The following ABL1 variants were observed in gnomAD, a reference collection of about 807,000 sequenced individuals.
ABL1 encodes the protein tyrosine-protein kinase ABL1.
In ABL1, 11 loss-of-function variants were observed where a neutral mutation model predicts 94.7. That is an observed-to-expected ratio of 0.12 (90% confidence interval 0.07 to 0.19). The LOEUF is 0.19. Among genes scored for constraint, ABL1 ranks in the 10% least tolerant of loss-of-function variants. The pLI is 1.00. For missense variants in ABL1, 1,082 were observed against 1,489.4 expected (o/e 0.73, Z 4.50); for synonymous variants, 656 against 622.4 (o/e 1.05, Z -0.80).
At chr9:130,823,281 A>G (rs975537972) in intron 1 of ABL1, among the ~76,000 whole-genome samples, 8 of 151,998 alleles carry the variant, frequency 5.3e-5, no homozygotes, top group South Asian at 2.1e-4. Flanking sequence ...TCACTCTTCA[A>G]TTTTCTAAAG....
chr9:130,880,771 AG>A lies in ABL1; in HGVS notation c.1678+110del, dbSNP rs1224767661. 1 of 1,353,904 alleles carries A rather than the reference AG, an allele frequency of 7.4e-7. No homozygotes were observed. Among genetic ancestry groups the A allele is most frequent in the Non-Finnish European group, 9.9e-7 (1 of 1,006,594 alleles). The allele number at this position is 1,353,904 out of a possible 1,614,324, so 83.9% of individuals were successfully genotyped here. On this transcript the variant is annotated intron_variant, in intron 10 of 10. Transcript: ENST00000318560. The surrounding 1 kb of genome is among the most constrained non-coding windows in gnomAD (Gnocchi z 4.4). ...AAGCTGTGAATGGAGCCCGCACAGA[AG>A]GGCAGCCATGGCCTTTGTCAATGGT...
intron 1 of ABL1, among the ~76,000 whole-genome samples, chr9:130,723,540 A>G (rs1380403956): frequency 6.6e-6 from 1 of 152,030 alleles, no homozygotes; most frequent in East Asian, 1.9e-4. Context: ...GCAAGACCCT[A>G]TCCTTTAAAA....
At chr9:130,809,344 T>C (rs1481757004) in intron 1 of ABL1, among the ~76,000 whole-genome samples, 4 of 150,386 alleles carry the variant, frequency 2.7e-5, no homozygotes, top group African/African-American at 7.4e-5. Context: ...GGGGTATTGA[T>C]TGGAGTACTA....
In ABL1 at chr9:130,808,250, T is replaced by C. The variant is rs536585832; in HGVS notation, c.137-45814T>C. 1.7e-3 allele frequency among the ~76,000 whole-genome samples: 196 copies of C among 114,362 alleles called. 1 individual carries two copies. The highest frequency in any genetic ancestry group is 0.013 in the Middle Eastern group (2 of 158). 75.0% of individuals were successfully genotyped at this position (114,362 alleles called of 152,430 possible). A position where few individuals can be genotyped will look rare whatever the true frequency, so the allele number is the denominator to read the frequency against. On this transcript the variant is annotated intron_variant, in intron 1 of 10. Transcript: ENST00000372348. ...TCTTCTTCTTCTTCTTCTTCTTCTT[T>C]TTTTTTTTTTTGAAATGGAGTCGTG...
intron 1 of ABL1, among the ~76,000 whole-genome samples, chr9:130,746,975 C>T (rs540038372): frequency 6.6e-6 from 1 of 152,160 alleles, no homozygotes; most frequent in Non-Finnish European, 1.5e-5. Flanking sequence ...TTCCTGGCCT[C>T]TCTGGCTTCT....
intron 1 of ABL1, among the ~76,000 whole-genome samples, chr9:130,846,088 T>TGTGTGTGTGTGTGTGTGTGC (rs1230576490): frequency 5.1e-4 from 71 of 138,580 alleles, no homozygotes; most frequent in African/African-American, 2.3e-3. Flanking sequence ...TGTCTGTGTG[T>TGTGTGTGTGTGTGTGTGTGC]GTGTGTGTGT....
chr9:130,798,154 C>T (rs1025672211), intron 1 of ABL1, among the ~76,000 whole-genome samples: 2 of 152,172 alleles, frequency 1.3e-5, no homozygotes, highest in East Asian at 3.8e-4. Flanking sequence ...TCTTTTTAAT[C>T]ACTTCACTAT....
At position 130,877,845 on chromosome 9, in the gene ABL1, C is replaced by A. The variant is rs1390724997; in HGVS notation, c.1271-570C>A. Among the ~76,000 whole-genome samples, 5 of 147,652 alleles carry A rather than the reference C, an allele frequency of 3.4e-5. No individual in the cohort carries two copies. In the East Asian group the frequency reaches 9.8e-4, roughly 29 times the overall value. On this transcript the variant is annotated intron_variant, in intron 7 of 10. Coordinates refer to ENST00000318560, the MANE Select transcript of ABL1 (RefSeq NM_005157.6). The stretch of plus-strand genomic sequence containing the variant: ...TTTTTGAGATGGAGTCTCGCTCTGT[C>A]ACCCAGCCTGGAGTGCAGTGGCGCG...
chr9:130,851,838 C>T (rs1446177738), intron 1 of ABL1, among the ~76,000 whole-genome samples: 2 of 147,244 alleles, frequency 1.4e-5, no homozygotes, highest in East Asian at 4.0e-4. Context: ...ACAATCTCGG[C>T]TCACTGCAGC....
At chr9:130,791,536 G>A (rs949936154) in intron 1 of ABL1, among the ~76,000 whole-genome samples, 1 of 152,112 alleles carries the variant, frequency 6.6e-6, no homozygotes. Flanking sequence ...CCATCCAGTT[G>A]GTTGCCAGTG....
intron 1 of ABL1, among the ~76,000 whole-genome samples, chr9:130,768,304 G>A (rs1564284895): frequency 6.6e-6 from 1 of 152,248 alleles, no homozygotes. Context: ...TGCTAGGTCT[G>A]TAACTTGGGA....
chr9:130,825,228 G>C (rs1415237555), intron 1 of ABL1, among the ~76,000 whole-genome samples: 1 of 152,116 alleles, frequency 6.6e-6, no homozygotes, highest in African/African-American at 2.4e-5. Flanking sequence ...AATCCCTGCT[G>C]GGTTTTACAC....
rs35829992 is a variant in ABL1, at chr9:130,863,604, C to T, written c.822+569C>T. 2.4e-3 allele frequency among the ~76,000 whole-genome samples: 371 copies of T among 152,296 alleles called. No homozygotes were observed. Among genetic ancestry groups the T allele is most frequent in the African/African-American group, 7.4e-3 (309 of 41,570 alleles). On this transcript the variant is annotated intron_variant, in intron 4 of 10. Transcript: ENST00000318560. This position sits in a 1 kb window ranked among gnomAD's most constrained non-coding sequence, Gnocchi z 4.3. ...CGCTTTTGACCAACTCAGATACAGT[C>T]TGGTCTTTCTTGTTAACTGGGACTT...
intron 1 of ABL1, among the ~76,000 whole-genome samples, chr9:130,723,330 G>A (rs1165960857): frequency 6.6e-6 from 1 of 152,134 alleles, no homozygotes; most frequent in Admixed American, 6.5e-5. Context: ...GGTCCTCTGA[G>A]ACCAGGAGTT....
At chr9:130,813,578 A>G (rs913051416) in intron 1 of ABL1, among the ~76,000 whole-genome samples, 1 of 151,564 alleles carries the variant, frequency 6.6e-6, no homozygotes, top group Non-Finnish European at 1.5e-5. Flanking sequence ...AAAAAAAAAA[A>G]AAAAAAAGAA....
intron 1 of ABL1, among the ~76,000 whole-genome samples, chr9:130,844,051 G>A (rs941355967): frequency 6.6e-6 from 1 of 152,130 alleles, no homozygotes; most frequent in African/African-American, 2.4e-5. Context: ...TCCCAGCATT[G>A]CCCCCGATGA....
chr9:130,859,439 A>G (rs1831028054), intron 3 of ABL1, among the ~76,000 whole-genome samples: 2 of 151,820 alleles, frequency 1.3e-5, no homozygotes. Context: ...AGCCGAGCAC[A>G]TGGCTAACCT....
intron 1 of ABL1, among the ~76,000 whole-genome samples, chr9:130,778,895 A>G (rs1249249548): frequency 6.6e-6 from 1 of 152,042 alleles, no homozygotes; most frequent in African/African-American, 2.4e-5. Context: ...CCATTCAACC[A>G]AATATACTTT....
At chr9:130,761,237 G>T (rs916733185) in intron 1 of ABL1, among the ~76,000 whole-genome samples, 2 of 152,192 alleles carry the variant, frequency 1.3e-5, no homozygotes, top group African/African-American at 4.8e-5. Context: ...AAAGTGCTGG[G>T]ATTACAGGCG....
Sources: gnomAD v4.1 joint callset for allele counts (sites outside exome capture counted in the v4.1 genomes callset) on GRCh38, gnomAD v4.1.1 for gene constraint, Gnocchi (gnomAD v3.1) non-coding constraint, MANE v1.5 for transcripts, NCBI Gene and HGNC (gene_info 2026-07-23, HGNC 2026-07-21) for gene names.